Variants in ITGA6 observed in about 807,000 individuals in gnomAD.
The protein encoded by ITGA6 is integrin subunit alpha 6.
In ITGA6, 63 loss-of-function variants were observed where a neutral mutation model predicts 133.6. The observed-to-expected ratio is 0.47, with a 90% CI of 0.38 to 0.58. ITGA6 has a LOEUF of 0.58. ITGA6 is among the 20% of genes least tolerant of loss of function. The pLI is 0.00. For missense variants in ITGA6, 1,068 were observed against 1,309.4 expected (o/e 0.82, Z 2.85); for synonymous variants, 434 against 482.0 (o/e 0.90, Z 1.30).
intron 10 of ITGA6, 63 bp downstream of exon 10, chr2:172,479,802 CTA>C: frequency 2.8e-6 from 4 of 1,439,948 alleles, no homozygotes; most frequent in Non-Finnish European, 3.9e-6. Flanking sequence ...CATGATGACT[CTA>C]TTGTCCTGAG....
At chr2:172,442,923 T>G (rs1559117535) in intron 1 of ITGA6, among the ~76,000 whole-genome samples, 3 of 152,208 alleles carry the variant, frequency 2.0e-5, no homozygotes, top group Non-Finnish European at 2.9e-5. Context: ...CTGCAAGATT[T>G]TCAGTGACCC....
intron 1 of ITGA6, among the ~76,000 whole-genome samples, chr2:172,447,892 T>C (rs1348793297): frequency 1.3e-5 from 2 of 152,168 alleles, no homozygotes; most frequent in African/African-American, 2.4e-5. Flanking sequence ...GAGTTGAAAG[T>C]TGTGGATGTT....
chr2:172,437,400 T>A (rs1288708027), intron 1 of ITGA6, among the ~76,000 whole-genome samples: 2 of 152,198 alleles, frequency 1.3e-5, no homozygotes, highest in South Asian at 4.1e-4. Context: ...GTCTTGAAAG[T>A]AGAGTCAACA....
intron 23 of ITGA6, among the ~76,000 whole-genome samples, chr2:172,492,071 G>T (rs1235522435): frequency 6.6e-6 from 1 of 152,188 alleles, no homozygotes; most frequent in East Asian, 1.9e-4. Flanking sequence ...CAGCTCTTGA[G>T]TTATGCGTCA....
At position 172,465,359 on chromosome 2, in the gene ITGA6, G is replaced by C; in HGVS notation, c.183-180G>C. On this transcript the variant is annotated intron_variant, in intron 1 of 25. Coordinates refer to ENST00000684293, the MANE Select transcript of ITGA6 (RefSeq NM_000210.4). Reference sequence around the variant, plus strand: ...TGGCTTCCCCTGTTTAGTTGTGTTTGTGCGTTTTGCATGAACCAGCCATAG... The same window carrying C: ...TGGCTTCCCCTGTTTAGTTGTGTTTCTGCGTTTTGCATGAACCAGCCATAG... 5 of 720,244 alleles carry C rather than the reference G, an allele frequency of 6.9e-6. No individual in the cohort carries two copies. The South Asian group carries it at 8.0e-5, about 11-fold the overall frequency. 44.6% of individuals were successfully genotyped at this position (720,244 alleles called of 1,614,324 possible).
chr2:172,506,057 G>GTCATC lies in ITGA6; in HGVS notation c.*1993_*1997dup, dbSNP rs1312580964. ...GTTTAGATTTATGGTTGTTAAAAAT[G>GTCATC]TCATCTCAAGTCAAGTCACTGGTCT... On this transcript the variant is annotated 3_prime_UTR_variant, in exon 26 of 26. Coordinates refer to ENST00000684293, the MANE Select transcript of ITGA6 (RefSeq NM_000210.4). 1.3e-5 allele frequency: 2 copies of GTCATC among 152,598 alleles called. No individual in the cohort carries two copies. Among genetic ancestry groups the GTCATC allele is most frequent in the African/African-American group, 4.8e-5 (2 of 41,426 alleles). 9.5% of individuals were successfully genotyped at this position (152,598 alleles called of 1,614,324 possible).
intron 1 of ITGA6, among the ~76,000 whole-genome samples, chr2:172,452,014 T>TTTTTTTTTTTTTTTTTTTTTGAGAC (rs1553529770): frequency 1.3e-5 from 2 of 151,038 alleles, no homozygotes; most frequent in African/African-American, 4.9e-5. Context: ...ATTTTTACTT[T>TTTTTTTTTTTTTTTTTTTTTGAGAC]GGTAATTTTA....
intron 6 of ITGA6, among the ~76,000 whole-genome samples, 177 bp downstream of exon 6, chr2:172,474,442 C>T (rs1657063159): frequency 6.6e-6 from 1 of 152,130 alleles, no homozygotes; most frequent in Non-Finnish European, 1.5e-5. Context: ...CATTCATATC[C>T]CTCCCCAGCG....
At chr2:172,458,622 C>A (rs572077647) in intron 1 of ITGA6, among the ~76,000 whole-genome samples, 5 of 152,288 alleles carry the variant, frequency 3.3e-5, no homozygotes, top group Admixed American at 2.0e-4. Context: ...CCAGGACTCC[C>A]TTTCAGAATT....
rs532175144 is a variant in ITGA6, at chr2:172,487,147, CGTT to C, written c.1970+12_1970+14del. 4,623 of 1,550,544 alleles carry C rather than the reference CGTT, an allele frequency of 3.0e-3. 26 individuals carry two copies. The highest frequency in any genetic ancestry group is 0.015 in the Middle Eastern group (86 of 5,914). ...TTTTCTTATTTACCAATGTAAGAAT[CGTT>C]GTGTAGCACTAGCAAAAATGATTCT... is the stretch of plus-strand genomic sequence containing the variant. On this transcript the variant is annotated intron_variant, in intron 14 of 25. Transcript: ENST00000684293.
intron 2 of ITGA6, 84 bp downstream of exon 2, chr2:172,465,747 TTA>T: frequency 1.9e-6 from 3 of 1,569,164 alleles, no homozygotes; most frequent in Non-Finnish European, 2.6e-6. Flanking sequence ...GGACAAACAT[TTA>T]TTCTTGTAGA....
Position 172,476,506 on chromosome 2 carries a change from AT to A in ITGA6, c.1385del (p.Phe462SerfsTer6). ...AVGSLSDSVT[I>X]FRSRPVINIQ... ...TGGTTCCCTCTCAGATTCAGTAACT[AT>A]TTTCAGGTCTGTTATCTATGATTTT... is the stretch of plus-strand genomic sequence containing the variant. On this transcript the variant is annotated frameshift_variant, in exon 9 of 26. Transcript: ENST00000684293. LOFTEE classifies it high-confidence loss of function. The A allele has an allele frequency of 1.3e-6, 2 of 1,541,582 alleles. No individual in the cohort carries two copies. Among genetic ancestry groups the A allele is most frequent in the Non-Finnish European group, 1.8e-6 (2 of 1,114,000 alleles).
chr2:172,448,524 A>T (rs1199780596), intron 1 of ITGA6, among the ~76,000 whole-genome samples: 1 of 152,228 alleles, frequency 6.6e-6, no homozygotes, highest in Non-Finnish European at 1.5e-5. Flanking sequence ...TATTAGGCAG[A>T]GTACCTAATA....
intron 1 of ITGA6, among the ~76,000 whole-genome samples, chr2:172,443,390 G>A (rs1684622430): frequency 1.3e-5 from 2 of 152,168 alleles, no homozygotes; most frequent in African/African-American, 4.8e-5. Flanking sequence ...AGAACTTTAT[G>A]CTTCCCTCAT....
chr2:172,475,575 T>G (rs1574379991), intron 7 of ITGA6, 22 bp from the exon 8 acceptor site: 1 of 1,359,878 alleles, frequency 7.4e-7, no homozygotes, highest in East Asian at 2.3e-5. Context: ...GTTAAAATGT[T>G]AAAATGTGAT....
intron 24 of ITGA6, among the ~76,000 whole-genome samples, chr2:172,501,328 A>G (rs577637257): frequency 2.0e-5 from 3 of 152,308 alleles, no homozygotes; most frequent in Admixed American, 6.5e-5. Flanking sequence ...TACCCATAGT[A>G]TATCTATATT....
In ITGA6 at chr2:172,471,064, A is replaced by T; in HGVS notation, c.734A>T (p.His245Leu). 1 of 1,614,170 alleles carries T rather than the reference A, an allele frequency of 6.2e-7. No individual in the cohort carries two copies. Among genetic ancestry groups the T allele is most frequent in the South Asian group, 1.1e-5 (1 of 91,092 alleles). The change falls in exon 5 of 26, where the codon CAT (histidine) becomes CTT (leucine). Residue 245 changes from histidine to leucine, a missense_variant. Around this residue, in one of 3 missense-constraint regions of ITGA6, gnomAD observed 317 missense variants for 456.9 expected, o/e 0.69. Coordinates refer to ENST00000684293, the MANE Select transcript of ITGA6 (RefSeq NM_000210.4). The stretch of plus-strand genomic sequence containing the variant: ...TATGAAGTTGGTGGAGAGACTGAGC[A>T]TGATGAAAGTCTCGTTCCTGTTCCT... ...GPYEVGGETE[H>L]DESLVPVPAN...
chr2:172,445,858 G>C (rs1684748384), intron 1 of ITGA6, among the ~76,000 whole-genome samples: 1 of 152,162 alleles, frequency 6.6e-6, no homozygotes, highest in Non-Finnish European at 1.5e-5. Context: ...CTGAAGAAAG[G>C]AGCAAAGAAC....
intron 23 of ITGA6, among the ~76,000 whole-genome samples, chr2:172,493,818 T>G (rs752241354): frequency 1.3e-5 from 2 of 152,228 alleles, no homozygotes; most frequent in African/African-American, 2.4e-5. Context: ...AAGTGCTGTC[T>G]TCTTCTGGAA....
Sources: gnomAD v4.1 joint callset for allele counts (sites outside exome capture counted in the v4.1 genomes callset) on GRCh38, gnomAD v4.1.1 for gene constraint, gnomAD v4.1.1 regional missense constraint, MANE v1.5 for transcripts, NCBI Gene and HGNC (gene_info 2026-07-23, HGNC 2026-07-21) for gene names.